SHROOM3: variants seen among roughly 807,000 people sequenced by gnomAD.
The protein encoded by SHROOM3 is shroom family member 3.
SHROOM3 carries 47 observed loss-of-function variants against 138.6 expected under a neutral mutation model. That is an observed-to-expected ratio of 0.34 (90% CI 0.27 to 0.43). SHROOM3 has a LOEUF of 0.43. Among genes scored for constraint, SHROOM3 ranks in the 20% least tolerant of loss-of-function variants. The pLI is 1.00. For missense variants in SHROOM3, 2,491 were observed against 2,596.5 expected (o/e 0.96, Z 0.88); for synonymous variants, 1,062 against 1,063.3 (o/e 1.00, Z 0.02).
intron 1 of SHROOM3, among the ~76,000 whole-genome samples, chr4:76,505,757 C>G (rs1438060358): frequency 6.7e-6 from 1 of 150,074 alleles, no homozygotes; most frequent in Non-Finnish European, 1.5e-5. Context: ...AACTCTTGGG[C>G]TCAAATAATC....
chr4:76,518,496 CTTCCTTCCTTCCTTCT>C (rs1732491991), intron 1 of SHROOM3, among the ~76,000 whole-genome samples: 1 of 83,712 alleles, frequency 1.2e-5, no homozygotes, highest in African/African-American at 4.4e-5. Flanking sequence ...GCCTGCCTGC[CTTCCTTCCTTCCTTCT>C]TTCCTTCCTT....
At chr4:76,506,374 T>G (rs1732212305) in intron 1 of SHROOM3, among the ~76,000 whole-genome samples, 2 of 152,074 alleles carry the variant, frequency 1.3e-5, no homozygotes, top group Admixed American at 6.6e-5. Context: ...ACTTAAAGTA[T>G]GATAAAAAAC....
intron 2 of SHROOM3, among the ~76,000 whole-genome samples, chr4:76,692,657 A>G (rs1185654198): frequency 2.0e-5 from 3 of 152,362 alleles, no homozygotes; most frequent in Non-Finnish European, 2.9e-5. Context: ...TGGCACATCC[A>G]TACAATGAAT....
In SHROOM3 at chr4:76,730,807, C is replaced by T. The variant is rs1167903436; in HGVS notation, c.459C>T (p.Arg153=). 6.2e-7 allele frequency: 1 copy of T among 1,613,986 alleles called. No individual in the cohort carries two copies. Among genetic ancestry groups the T allele is most frequent in the Non-Finnish European group, 8.5e-7 (1 of 1,179,982 alleles). The change falls in exon 4 of 11, where the codon CGC becomes CGT. Residue 153 remains arginine (R), a synonymous_variant. Transcript: ENST00000296043. ...GGVKLRLKHR[R]SEPAGRPHSW... ...GGTCCCTCCTGTGTCTCCCCAGGCG[C>T]AGTGAGCCTGCAGGCCGACCTCACT...
chr4:76,659,383 T>C (rs1736135829), intron 2 of SHROOM3, among the ~76,000 whole-genome samples: 1 of 152,266 alleles, frequency 6.6e-6, no homozygotes, highest in Admixed American at 6.5e-5. Context: ...TCTAGCCATC[T>C]GGGCTCCTTT....
intron 1 of SHROOM3, among the ~76,000 whole-genome samples, chr4:76,465,939 A>G (rs1455870683): frequency 6.6e-6 from 1 of 152,266 alleles, no homozygotes; most frequent in Non-Finnish European, 1.5e-5. Context: ...GTGGGAAAGT[A>G]TCACTTTTAA....
intron 2 of SHROOM3, among the ~76,000 whole-genome samples, chr4:76,646,345 A>G (rs6819112): frequency 0.67 from 100,068 of 149,540 alleles, 34,340 homozygotes; most frequent in East Asian, 0.94. Context: ...CATCCTTCTT[A>G]GACCAAACAG....
intron 2 of SHROOM3, among the ~76,000 whole-genome samples, chr4:76,614,421 C>T (rs1734829942): frequency 6.6e-6 from 1 of 152,082 alleles, no homozygotes; most frequent in African/African-American, 2.4e-5. Context: ...AGGACTCGTG[C>T]CCCATCTAAA....
intron 1 of SHROOM3, among the ~76,000 whole-genome samples, chr4:76,501,470 ACTTTTAAAGTCCTTAGGAATTTTAGAG>A (rs1560526062): frequency 1.3e-5 from 2 of 152,068 alleles, no homozygotes. Flanking sequence ...CTGGTTCCTG[ACTTTTAAAGTCCTTAGGAATTTTAGAG>A]CTTTTAAAGT....
At chr4:76,520,836 G>T (rs1214800824) in intron 1 of SHROOM3, among the ~76,000 whole-genome samples, 3 of 152,184 alleles carry the variant, frequency 2.0e-5, no homozygotes, top group Non-Finnish European at 4.4e-5. Context: ...TTATACCTAT[G>T]CTATTTTCAG....
chr4:76,641,436 A>C (rs553025789), intron 2 of SHROOM3, among the ~76,000 whole-genome samples: 13 of 152,312 alleles, frequency 8.5e-5, no homozygotes, highest in African/African-American at 2.6e-4. Flanking sequence ...GAAGGCAAGT[A>C]AACACAGGCC....
chr4:76,713,090 G>A (rs1327677767), intron 3 of SHROOM3, among the ~76,000 whole-genome samples: 1 of 152,278 alleles, frequency 6.6e-6, no homozygotes, highest in African/African-American at 2.4e-5. Flanking sequence ...CAGCGAGTGA[G>A]TGGTGAGTGA....
At chr4:76,629,502 A>G (rs1176296617) in intron 2 of SHROOM3, among the ~76,000 whole-genome samples, 1 of 152,186 alleles carries the variant, frequency 6.6e-6, no homozygotes, top group Non-Finnish European at 1.5e-5. Flanking sequence ...TATATTTTAG[A>G]ATAATCACTC....
At chr4:76,534,454 C>T (rs7691206) in intron 1 of SHROOM3, among the ~76,000 whole-genome samples, 98,942 of 151,826 alleles carry the variant, frequency 0.65, 32,691 homozygotes, top group East Asian at 0.94. Context: ...GGGACTCCCA[C>T]TTTTTGAGCT....
At chr4:76,689,631 G>C in intron 2 of SHROOM3, 16 of 985,336 alleles carry the variant, frequency 1.6e-5, no homozygotes, top group Non-Finnish European at 1.9e-5. Context: ...GAGCGGCGGC[G>C]AAGTTTGAAC....
intron 3 of SHROOM3, among the ~76,000 whole-genome samples, chr4:76,730,134 G>C (rs1346182085): frequency 1.3e-5 from 2 of 152,204 alleles, no homozygotes; most frequent in Admixed American, 6.5e-5. Context: ...CAGTCTGAAG[G>C]ACACCCACAT....
At position 76,607,320 on chromosome 4, in the gene SHROOM3, ACT is replaced by A. The variant is rs370785342; in HGVS notation, c.323+51560_323+51561del. ...AGGGTAGAGACCTATTCACTCCCAC[ACT>A]CTGAGGAATTTATGACCAGTAAGTT... On this transcript the variant is annotated intron_variant, in intron 2 of 10. Coordinates refer to ENST00000296043, the MANE Select transcript of SHROOM3 (RefSeq NM_020859.4). Among the ~76,000 whole-genome samples the A allele has an allele frequency of 2.7e-3, 417 of 152,290 alleles. 3 individuals are homozygous for A. The highest frequency in any genetic ancestry group is 5.2e-3 in the Non-Finnish European group (354 of 68,024).
chr4:76,638,856 G>C (rs1286895634), intron 2 of SHROOM3: 1 of 152,180 alleles, frequency 6.6e-6, no homozygotes, highest in African/African-American at 2.4e-5. Context: ...TAGGGAATGA[G>C]TGCTATGCGG....
intron 3 of SHROOM3, among the ~76,000 whole-genome samples, chr4:76,722,187 C>T (rs1304753098): frequency 6.6e-6 from 1 of 151,976 alleles, no homozygotes; most frequent in Non-Finnish European, 1.5e-5. Flanking sequence ...GGAAAAACAG[C>T]AGTGGCATGT....
Sources: allele counts gnomAD v4.1 joint callset (sites outside exome capture counted in the v4.1 genomes callset), GRCh38; gene constraint gnomAD v4.1.1; transcripts MANE v1.5; gene names NCBI Gene and HGNC (gene_info 2026-07-23, HGNC 2026-07-21).